Variants in FREM2 observed in about 807,000 individuals in gnomAD.
FREM2 encodes the protein FRAS1 related extracellular matrix 2.
FREM2 carries 119 observed loss-of-function variants against 219.9 expected under a neutral mutation model. That is an observed-to-expected ratio of 0.54 (90% CI 0.47 to 0.63). The LOEUF (loss-of-function observed/expected upper bound fraction) is 0.63. FREM2 is among the 30% of genes least tolerant of loss of function. The pLI, the probability that FREM2 is intolerant of heterozygous loss-of-function variation, is 0.00. For missense variants in FREM2, 4,030 were observed against 3,993.6 expected (o/e 1.01, Z -0.25); for synonymous variants, 1,562 against 1,522.8 (o/e 1.03, Z -0.60).
chr13:38,687,368 G>C lies in FREM2; in HGVS notation c.24G>C (p.Gly8=), dbSNP rs750588225. Reference sequence around the variant, plus strand: ...CCATGCACTCAGCCGGGACTCCCGGGTTATCCTCGCGCCGGACAGGCAACT... The same window carrying C: ...CCATGCACTCAGCCGGGACTCCCGGCTTATCCTCGCGCCGGACAGGCAACT... MHSAGTP[G]LSSRRTGNST... The change falls in exon 1 of 24, where the codon GGG becomes GGC. Residue 8 remains glycine, a synonymous_variant. Coordinates refer to ENST00000280481, the MANE Select transcript of FREM2 (RefSeq NM_207361.6). 1.2e-6 allele frequency: 2 copies of C among 1,608,180 alleles called. No homozygotes were observed. The highest frequency in any genetic ancestry group is 1.7e-6 in the Non-Finnish European group (2 of 1,177,714).
At chr13:38,697,819 A>G in intron 2 of FREM2, 32 bp downstream of exon 2, 1 of 1,203,772 alleles carries the variant, frequency 8.3e-7, no homozygotes, top group Non-Finnish European at 1.2e-6. Context: ...TAGTGACCGC[A>G]AGGAGAGACG....
chr13:38,815,005 G>T (rs1875708823), intron 6 of FREM2, among the ~76,000 whole-genome samples: 1 of 152,164 alleles, frequency 6.6e-6, no homozygotes, highest in African/African-American at 2.4e-5. Flanking sequence ...GAAGTGCTGT[G>T]CAAGAATCTA....
intron 4 of FREM2, among the ~76,000 whole-genome samples, chr13:38,776,568 A>C (rs777407896): frequency 2.6e-5 from 4 of 152,210 alleles, no homozygotes; most frequent in Non-Finnish European, 5.9e-5. Context: ...ACTCATTACA[A>C]TATAGTCACA....
In FREM2 at chr13:38,882,569, C is replaced by T. The variant is rs1878585388; in HGVS notation, c.*1782C>T. The T allele has an allele frequency of 6.6e-6, 1 of 152,098 alleles. No homozygotes were observed. Among genetic ancestry groups the T allele is most frequent in the African/African-American group, 2.4e-5 (1 of 41,428 alleles). The allele number at this position is 152,098 out of a possible 1,614,324, so 9.4% of individuals were successfully genotyped here. ...TAGTATCCTTTCATTGGAGAATTTA[C>T]AAAAATATCATCTACAGCTCAAAAG... On this transcript the variant is annotated 3_prime_UTR_variant, in exon 24 of 24. Coordinates refer to ENST00000280481, the MANE Select transcript of FREM2 (RefSeq NM_207361.6).
Position 38,876,296 on chromosome 13 carries a change from G to T in FREM2, c.8458G>T (p.Ala2820Ser). Residue 2820 changes from alanine to serine, a missense_variant, in exon 20 of 24, where the codon GCC becomes TCC. By Grantham distance (99) the Ala-to-Ser change is moderately conservative. This residue lies in a region of FREM2 where 928 missense variants were observed against 1,042.9 expected (regional missense o/e 0.89). Transcript: ENST00000280481. ...TACTGTGAAGCTGGTGCCATGCACTGCCCCATCACATCAGGAATACCGCCT... is the reference window on the plus strand; with the variant it reads ...TACTGTGAAGCTGGTGCCATGCACTTCCCCATCACATCAGGAATACCGCCT... The part of the protein sequence containing the change: ...TYTVKLVPCT[A>S]PSHQEYRLPV... 1 of 1,613,910 alleles carries T rather than the reference G, an allele frequency of 6.2e-7. No individual in the cohort carries two copies. The highest frequency in any genetic ancestry group is 8.5e-7 in the Non-Finnish European group (1 of 1,179,862).
intron 6 of FREM2, among the ~76,000 whole-genome samples, chr13:38,818,622 C>T (rs1446486805): frequency 6.6e-6 from 1 of 152,060 alleles, no homozygotes; most frequent in East Asian, 1.9e-4. Context: ...TTCCAGTGTT[C>T]TATTGCACAG....
chr13:38,699,033 A>T (rs531897747), intron 2 of FREM2, among the ~76,000 whole-genome samples: 2 of 152,324 alleles, frequency 1.3e-5, no homozygotes, highest in East Asian at 3.9e-4. Context: ...CAACTCATAA[A>T]AAAAACCTTC....
chr13:38,741,370 G>T (rs1474775646), intron 2 of FREM2, among the ~76,000 whole-genome samples: 2 of 152,156 alleles, frequency 1.3e-5, no homozygotes, highest in Non-Finnish European at 2.9e-5. Flanking sequence ...GAAGAAATCA[G>T]TATATCCAGC....
chr13:38,811,847 A>G (rs1875488409), intron 6 of FREM2, among the ~76,000 whole-genome samples: 2 of 152,138 alleles, frequency 1.3e-5, no homozygotes, highest in Non-Finnish European at 2.9e-5. Context: ...ATGTTTCTCC[A>G]TTGATTTTCT....
chr13:38,773,751 A>C lies in FREM2; in HGVS notation c.5641+3943A>C, dbSNP rs181486286. On this transcript the variant is annotated intron_variant, in intron 4 of 23. Transcript: ENST00000280481. Reference sequence around the variant, plus strand: ...CTCTTCTTGCTTTTAACATGCGCATAGAAAGTTCCAACTGGGAAGGGTTTA... The same window carrying C: ...CTCTTCTTGCTTTTAACATGCGCATCGAAAGTTCCAACTGGGAAGGGTTTA... 5.8e-3 allele frequency among the ~76,000 whole-genome samples: 888 copies of C among 152,226 alleles called. 6 individuals carry two copies. Among genetic ancestry groups the C allele is most frequent in the South Asian group, 0.016 (77 of 4,820 alleles).
intron 2 of FREM2, among the ~76,000 whole-genome samples, chr13:38,711,579 AT>A (rs1407540820): frequency 8.5e-5 from 13 of 152,196 alleles, no homozygotes; most frequent in Non-Finnish European, 8.8e-5. Flanking sequence ...ACCATATAGC[AT>A]TTGATTTTTG....
At chr13:38,719,372 C>G (rs1396775681) in intron 2 of FREM2, among the ~76,000 whole-genome samples, 4 of 152,126 alleles carry the variant, frequency 2.6e-5, no homozygotes, top group African/African-American at 9.7e-5. Flanking sequence ...AGGCATGCAC[C>G]ACCATGCCCA....
intron 6 of FREM2, among the ~76,000 whole-genome samples, chr13:38,828,799 C>T (rs1305965240): frequency 1.3e-5 from 2 of 152,044 alleles, no homozygotes; most frequent in Non-Finnish European, 2.9e-5. Context: ...AAACCCAGCT[C>T]ATTTTTAATG....
intron 2 of FREM2, among the ~76,000 whole-genome samples, chr13:38,702,206 GA>G (rs1172725578): frequency 1.3e-5 from 2 of 151,994 alleles, no homozygotes; most frequent in Non-Finnish European, 2.9e-5. Context: ...CAACTGCTGT[GA>G]AAATTCCTTC....
chr13:38,874,401 G>A (rs1878271605), intron 17 of FREM2, 81 bp from the exon 18 acceptor site: 2 of 1,115,926 alleles, frequency 1.8e-6, no homozygotes, highest in South Asian at 2.5e-5. Flanking sequence ...AGTCAAACCT[G>A]AATTAATTTT....
At chr13:38,871,692 T>C (rs577481752) in intron 16 of FREM2, among the ~76,000 whole-genome samples, 6 of 152,294 alleles carry the variant, frequency 3.9e-5, no homozygotes, top group Admixed American at 2.6e-4. Context: ...TTTCTATCCG[T>C]CATCCATTGA....
intron 2 of FREM2, among the ~76,000 whole-genome samples, chr13:38,746,981 G>C (rs893187763): frequency 2.0e-5 from 3 of 152,104 alleles, no homozygotes; most frequent in Admixed American, 1.3e-4. Flanking sequence ...AAGCCATCCA[G>C]ATATTCTAGT....
chr13:38,704,769 T>C (rs966824497), intron 2 of FREM2, among the ~76,000 whole-genome samples: 1 of 152,176 alleles, frequency 6.6e-6, no homozygotes, highest in East Asian at 1.9e-4. Flanking sequence ...ATTGACCCAG[T>C]TATGCATGGC....
In FREM2 at chr13:38,759,545, C is replaced by T. The variant is rs114593850; in HGVS notation, c.5264-4759C>T. ...TCAAAAGAGGTCTTTTCATCAAAAC[C>T]TTAATGGCTTTGGTGTCAGGATTTG... is the stretch of plus-strand genomic sequence containing the variant. On this transcript the variant is annotated intron_variant, in intron 2 of 23. Transcript: ENST00000280481. 6.6e-3 allele frequency among the ~76,000 whole-genome samples: 1,002 copies of T among 151,934 alleles called. 12 individuals are homozygous for T. The highest frequency in any genetic ancestry group is 0.023 in the African/African-American group (973 of 41,466).
Sources: allele counts gnomAD v4.1 joint callset (sites outside exome capture counted in the v4.1 genomes callset), GRCh38; gene constraint gnomAD v4.1.1; regional missense constraint gnomAD v4.1.1; transcripts MANE v1.5; gene names NCBI Gene and HGNC (gene_info 2026-07-23, HGNC 2026-07-21).